The following JADE1 variants were observed in gnomAD, a reference collection of about 807,000 sequenced individuals.
JADE1 encodes the protein protein Jade-1.
JADE1 carries 14 observed loss-of-function variants against 81.8 expected under a neutral mutation model. That is an observed-to-expected ratio of 0.17 (90% CI 0.11 to 0.27). The LOEUF is 0.27. Ranked by LOEUF, JADE1 falls within the 10% of genes least tolerant of loss-of-function variation. The pLI is 1.00. For synonymous variants in JADE1, 353 were observed against 391.9 expected (o/e 0.90, Z 1.17); for missense variants, 690 against 1,047.9 (o/e 0.66, Z 4.71).
intron 8 of JADE1, among the ~76,000 whole-genome samples, chr4:128,859,590 CATGTGT>C (rs748634648): frequency 1.3e-5 from 2 of 151,948 alleles, no homozygotes; most frequent in Non-Finnish European, 2.9e-5. Flanking sequence ...TGTGAGTGTG[CATGTGT>C]ATGAGTGTGT....
intron 2 of JADE1, 79 bp downstream of exon 2, chr4:128,831,889 T>A (rs1579138305): frequency 3.1e-6 from 4 of 1,283,308 alleles, no homozygotes; most frequent in Non-Finnish European, 3.4e-6. Context: ...TGTAATGCTT[T>A]AAATTGCTGA....
chr4:128,867,758 T>C, intron 9 of JADE1, 98 bp from the exon 10 acceptor site: 1 of 658,840 alleles, frequency 1.5e-6, no homozygotes, highest in Non-Finnish European at 2.7e-6. Flanking sequence ...GTCAAGGCCC[T>C]AGTAGGAGTA....
intron 5 of JADE1, among the ~76,000 whole-genome samples, chr4:128,851,413 A>G (rs992728233): frequency 7.2e-5 from 11 of 152,286 alleles, no homozygotes; most frequent in African/African-American, 2.4e-4. Context: ...TTTTGAAGTC[A>G]CTTACGTGTT....
chr4:128,811,443 G>A (rs1156522378), intron 1 of JADE1: 1 of 152,008 alleles, frequency 6.6e-6, no homozygotes, highest in Non-Finnish European at 1.5e-5. Context: ...GGGAACCGGG[G>A]GAGACTCGGG....
chr4:128,811,048 CTT>C (rs1247581358), intron 1 of JADE1, among the ~76,000 whole-genome samples: 1 of 152,184 alleles, frequency 6.6e-6, no homozygotes, highest in Non-Finnish European at 1.5e-5. Context: ...GTGCACGTGT[CTT>C]GTGCCTGTGA....
intron 8 of JADE1, among the ~76,000 whole-genome samples, chr4:128,861,414 C>G (rs1439264252): frequency 6.6e-6 from 1 of 152,196 alleles, no homozygotes; most frequent in African/African-American, 2.4e-5. Context: ...CCTGTAATCC[C>G]AGCACTTTGG....
chr4:128,814,392 G>A (rs1367654529), intron 1 of JADE1, among the ~76,000 whole-genome samples: 16 of 152,134 alleles, frequency 1.1e-4, no homozygotes, highest in East Asian at 3.8e-4. Flanking sequence ...TATTACACAA[G>A]TAGTGTTACA....
intron 1 of JADE1, among the ~76,000 whole-genome samples, chr4:128,812,271 T>A (rs1726504031): frequency 6.6e-6 from 1 of 151,892 alleles, no homozygotes; most frequent in Non-Finnish European, 1.5e-5. Context: ...TTTCCCCTCC[T>A]CCCGCGCTGT....
chr4:128,812,093 TGGCGGCGGCGG>T (rs997082224), intron 1 of JADE1: 3 of 150,444 alleles, frequency 2.0e-5, no homozygotes, highest in African/African-American at 7.4e-5. Context: ...TTGGTGCAGC[TGGCGGCGGCGG>T]GGCGGGAGGA....
intron 9 of JADE1, chr4:128,862,955 G>A: frequency 2.0e-6 from 2 of 986,202 alleles, no homozygotes; most frequent in East Asian, 1.1e-4. Flanking sequence ...GTGTGTCTGT[G>A]TGCGGGTATG....
chr4:128,833,603 A>G (rs748476463), intron 2 of JADE1, among the ~76,000 whole-genome samples: 1 of 152,118 alleles, frequency 6.6e-6, no homozygotes, highest in African/African-American at 2.4e-5. Context: ...CTGAGGCAGG[A>G]GAATCACTTG....
At chr4:128,815,666 G>A (rs1314165205) in intron 1 of JADE1, among the ~76,000 whole-genome samples, 1 of 152,120 alleles carries the variant, frequency 6.6e-6, no homozygotes, top group Non-Finnish European at 1.5e-5. Flanking sequence ...GTCTCTTTAG[G>A]GTTTGGTCAG....
intron 6 of JADE1, among the ~76,000 whole-genome samples, chr4:128,855,016 C>T (rs1730671286): frequency 1.3e-5 from 2 of 151,562 alleles, no homozygotes; most frequent in African/African-American, 4.9e-5. Flanking sequence ...TAGAAGGTCT[C>T]CTTTTTCTGC....
At chr4:128,845,006 G>C (rs931846381) in intron 3 of JADE1, among the ~76,000 whole-genome samples, 1 of 152,230 alleles carries the variant, frequency 6.6e-6, no homozygotes, top group Non-Finnish European at 1.5e-5. Flanking sequence ...TGAGAAAAGA[G>C]AGTTCAGCAT....
chr4:128,873,281 GA>G lies in JADE1; in HGVS notation c.*1029del, dbSNP rs1281020527. On this transcript the variant is annotated 3_prime_UTR_variant, in exon 11 of 11. Coordinates refer to ENST00000226319, the MANE Select transcript of JADE1 (RefSeq NM_199320.4). Reference sequence around the variant, plus strand: ...GAAAAAAAAAAAAAAAAGAAAAAAAGAAAAAAAAAAGAAAAAAGAAAAAAAG... The same window carrying G: ...GAAAAAAAAAAAAAAAAGAAAAAAAGAAAAAAAAAGAAAAAAGAAAAAAAG... The G allele has an allele frequency of 0.011, 1,117 of 105,654 alleles. 9 individuals carry two copies. The highest frequency in any genetic ancestry group is 0.016 in the Non-Finnish European group (765 of 49,122). The allele number at this position is 105,654 out of a possible 1,614,324, so 6.5% of individuals were successfully genotyped here. A position where few individuals can be genotyped will look rare whatever the true frequency, so the allele number is the denominator to read the frequency against.
chr4:128,815,201 C>T (rs994102831), intron 1 of JADE1, among the ~76,000 whole-genome samples: 4 of 39,640 alleles, frequency 1.0e-4, no homozygotes, highest in African/African-American at 2.4e-4. Flanking sequence ...CGCGGGTTCA[C>T]GCCATTCTCC....
At chr4:128,831,564 G>T in intron 1 of JADE1, 169 bp from the exon 2 acceptor site, 1 of 584,692 alleles carries the variant, frequency 1.7e-6, no homozygotes, top group South Asian at 2.1e-5. Flanking sequence ...GTTTGTTAAT[G>T]ATTGCACCTA....
At chr4:128,866,409 A>T (rs17013862) in intron 9 of JADE1, among the ~76,000 whole-genome samples, 3,638 of 152,324 alleles carry the variant, frequency 0.024, 116 homozygotes, top group African/African-American at 0.074. Flanking sequence ...GCCAGGAGAT[A>T]TTACCATAAT....
chr4:128,867,395 C>T (rs986998983), intron 9 of JADE1, among the ~76,000 whole-genome samples: 1 of 152,214 alleles, frequency 6.6e-6, no homozygotes, highest in African/African-American at 2.4e-5. Context: ...CCAGTTCAGC[C>T]TCAGAAGATA....
Sources: gnomAD v4.1 joint callset for allele counts (sites outside exome capture counted in the v4.1 genomes callset) on GRCh38, gnomAD v4.1.1 for gene constraint, MANE v1.5 for transcripts, NCBI Gene and HGNC (gene_info 2026-07-23, HGNC 2026-07-21) for gene names.